The following PPIP5K1 variants were observed in gnomAD, a reference collection of about 807,000 sequenced individuals.
The protein encoded by PPIP5K1 is inositol hexakisphosphate and diphosphoinositol-pentakisphosphate kinase 1.
A neutral mutation model predicts 27.7 loss-of-function variants in PPIP5K1; 6 were observed. The observed-to-expected ratio is 0.22, with a 90% CI of 0.12 to 0.43. The LOEUF is 0.43. Among genes scored for constraint, PPIP5K1 ranks in the 20% least tolerant of loss-of-function variants. The probability of loss-of-function intolerance (pLI) is 1.00; values close to 1 mark genes in which losing one functional copy is unlikely to be tolerated. For synonymous variants in PPIP5K1, 145 were observed against 242.6 expected, an observed-to-expected ratio of 0.60 and a Z score of 3.74; for missense variants, 394 against 635.4, an observed-to-expected ratio of 0.62 and a Z score of 4.08.
At chr15:43,555,999 AATAG>A (rs1158349294) in intron 30 of PPIP5K1, among the ~76,000 whole-genome samples, 2 of 152,164 alleles carry the variant, frequency 1.3e-5, no homozygotes, top group African/African-American at 4.8e-5. Flanking sequence ...TAAATAAATA[AATAG>A]AGTCTCTTGT....
intron 30 of PPIP5K1, among the ~76,000 whole-genome samples, chr15:43,551,014 C>T (rs183196992): frequency 8.3e-4 from 126 of 152,196 alleles, no homozygotes; most frequent in African/African-American, 2.8e-3. Context: ...GCATTTTGTT[C>T]GGGACTTTTG....
chr15:43,553,705 C>T (rs958137030), intron 30 of PPIP5K1, among the ~76,000 whole-genome samples: 2 of 147,296 alleles, frequency 1.4e-5, no homozygotes, highest in Non-Finnish European at 3.0e-5. Flanking sequence ...AGTGCAGTGG[C>T]GCGATCTCGG....
chr15:43,551,224 C>T (rs930974517), intron 30 of PPIP5K1, among the ~76,000 whole-genome samples: 3 of 152,030 alleles, frequency 2.0e-5, no homozygotes, highest in African/African-American at 7.2e-5. Context: ...GTTTTTGTTA[C>T]TAATCTTTTT....
intron 11 of PPIP5K1, among the ~76,000 whole-genome samples, chr15:43,578,566 A>G (rs1394277616): frequency 5.1e-5 from 6 of 117,086 alleles, no homozygotes; most frequent in Non-Finnish European, 1.2e-4. Context: ...AAAAGAAAGA[A>G]AAAGAAAAGG....
intron 31 of PPIP5K1, among the ~76,000 whole-genome samples, chr15:43,538,203 C>T (rs1595695921): frequency 6.6e-6 from 1 of 152,148 alleles, no homozygotes; most frequent in Admixed American, 6.5e-5. Flanking sequence ...ATCTTTACTT[C>T]GGTCCTATCC....
At chr15:43,556,191 G>A (rs556508546) in intron 30 of PPIP5K1, among the ~76,000 whole-genome samples, 270 of 152,090 alleles carry the variant, frequency 1.8e-3, no homozygotes, top group Non-Finnish European at 8.1e-4. Context: ...GTGGTGGTGC[G>A]CACCTGTAGT....
At chr15:43,542,668 G>A (rs866876933) in intron 30 of PPIP5K1, among the ~76,000 whole-genome samples, 1 of 141,210 alleles carries the variant, frequency 7.1e-6, no homozygotes, top group Non-Finnish European at 1.5e-5. Context: ...GTGTGTGTGT[G>A]TGTGTGTGTG....
At chr15:43,546,242 T>C (rs2081353295) in intron 30 of PPIP5K1, among the ~76,000 whole-genome samples, 1 of 152,236 alleles carries the variant, frequency 6.6e-6, no homozygotes, top group African/African-American at 2.4e-5. Context: ...AGCTCAGTAA[T>C]ATTCCATTGT....
intron 31 of PPIP5K1, among the ~76,000 whole-genome samples, chr15:43,539,001 G>A (rs185018129): frequency 6.6e-4 from 100 of 152,042 alleles, no homozygotes; most frequent in African/African-American, 2.4e-3. Context: ...ACCTGAGGTC[G>A]GGAGTTTGAG....
chr15:43,541,996 GTAAGGC>G (rs1210082846), intron 30 of PPIP5K1, among the ~76,000 whole-genome samples: 1 of 152,122 alleles, frequency 6.6e-6, no homozygotes, highest in Non-Finnish European at 1.5e-5. Context: ...CCCATTATAA[GTAAGGC>G]TAAGTTTACT....
intron 30 of PPIP5K1, among the ~76,000 whole-genome samples, chr15:43,557,633 G>T (rs1272558809): frequency 6.6e-6 from 1 of 151,864 alleles, no homozygotes; most frequent in Non-Finnish European, 1.5e-5. Context: ...CTTCTTTTCA[G>T]GGTTTTTTCT....
At chr15:43,559,915 C>A (rs529728199) in intron 29 of PPIP5K1, among the ~76,000 whole-genome samples, 3 of 151,704 alleles carry the variant, frequency 2.0e-5, no homozygotes, top group Admixed American at 2.0e-4. Context: ...TTCCTGTTCA[C>A]CAGTGACTAA....
At chr15:43,543,883 C>T (rs867738727) in intron 30 of PPIP5K1, among the ~76,000 whole-genome samples, 2 of 151,486 alleles carry the variant, frequency 1.3e-5, no homozygotes, top group South Asian at 4.2e-4. Context: ...AACAATTAAA[C>T]TACTGAATAA....
At chr15:43,565,626 T>G (rs1460418312) in intron 26 of PPIP5K1, among the ~76,000 whole-genome samples, 1 of 133,292 alleles carries the variant, frequency 7.5e-6, no homozygotes, top group East Asian at 2.3e-4. Flanking sequence ...CATAGCTCAC[T>G]GCAGCCTTGG....
At chr15:43,538,596 A>G (rs1358435612) in intron 31 of PPIP5K1, among the ~76,000 whole-genome samples, 2 of 151,800 alleles carry the variant, frequency 1.3e-5, no homozygotes, top group Admixed American at 1.3e-4. Context: ...GCGCCATCTC[A>G]GCTCACTGCA....
rs1345887004 is a variant in PPIP5K1 at position 43,579,488 on chromosome 15, G to C, written c.1062-368C>G. Among the ~76,000 whole-genome samples the C allele has an allele frequency of 1.5e-4, 14 of 95,720 alleles. No homozygotes were observed. In the South Asian group the frequency reaches 1.8e-3, roughly 12 times the overall value. 62.8% of individuals were successfully genotyped at this position (95,720 alleles called of 152,430 possible). On this transcript the variant is annotated intron_variant, in intron 10 of 31. Coordinates refer to ENST00000420765, the MANE Select transcript of PPIP5K1 (RefSeq NM_001394395.1). ...ATATACACACATGTATGCGCATATA[G>C]ATACACACATATGTGTATATAGATG...
chr15:43,549,346 T>A (rs1232489091), intron 30 of PPIP5K1, among the ~76,000 whole-genome samples: 2 of 152,164 alleles, frequency 1.3e-5, no homozygotes, highest in African/African-American at 4.8e-5. Flanking sequence ...ATTTCCTTTT[T>A]CAGTTGTTCA....
At position 43,556,154 on chromosome 15, in the gene PPIP5K1, C is replaced by T. The variant is rs565070948; in HGVS notation, c.3556+2641G>A. On this transcript the variant is annotated intron_variant, in intron 30 of 31. Transcript: ENST00000420765. ...CCAACGTGGTGAAACCCTGTCTCTA[C>T]TAAAAAAATACAAAAATTAGCTGTG... Among the ~76,000 whole-genome samples, 271 of 151,518 alleles carry T rather than the reference C, an allele frequency of 1.8e-3. 2 individuals carry two copies. Among genetic ancestry groups the T allele is most frequent in the Non-Finnish European group, 3.0e-3 (204 of 67,796 alleles).
At chr15:43,552,816 G>T (rs1349480292) in intron 30 of PPIP5K1, among the ~76,000 whole-genome samples, 2 of 152,130 alleles carry the variant, frequency 1.3e-5, no homozygotes, top group African/African-American at 4.8e-5. Flanking sequence ...GCCAAGGCAG[G>T]TGGATCACCT....
Sources: gnomAD v4.1 joint callset for allele counts (sites outside exome capture counted in the v4.1 genomes callset) on GRCh38, gnomAD v4.1.1 for gene constraint, MANE v1.5 for transcripts, NCBI Gene and HGNC (gene_info 2026-07-23, HGNC 2026-07-21) for gene names.